FRMPD1: variants seen among roughly 807,000 people sequenced by gnomAD.
FRMPD1 encodes FERM and PDZ domain containing 1, also known as FERM and PDZ domain-containing protein 1.
FRMPD1 carries 76 observed loss-of-function variants against 117.8 expected under a neutral mutation model. The observed-to-expected ratio is 0.65, with a 90% confidence interval of 0.54 to 0.78. The LOEUF (loss-of-function observed/expected upper bound fraction) is 0.78, where lower values mean the gene tolerates loss of function less well. FRMPD1 is among the 30% of genes least tolerant of loss of function. FRMPD1 has a pLI of 0.00. For missense variants in FRMPD1, 1,786 were observed against 1,964.5 expected, an observed-to-expected ratio of 0.91 and a Z score of 1.72; for synonymous variants, 783 against 770.4, an observed-to-expected ratio of 1.02 and a Z score of -0.27.
At chr9:37,661,123 A>G (rs981662998) in intron 1 of FRMPD1, among the ~76,000 whole-genome samples, 2 of 152,202 alleles carry the variant, frequency 1.3e-5, no homozygotes, top group African/African-American at 4.8e-5. Flanking sequence ...GGTGGACCTA[A>G]TGTCCAGCCC....
chr9:37,733,108 TTCACAGGAGC>T (rs1160113856), intron 10 of FRMPD1, among the ~76,000 whole-genome samples: 1 of 152,194 alleles, frequency 6.6e-6, no homozygotes, highest in South Asian at 2.1e-4. Flanking sequence ...GCCTAGGGGA[TTCACAGGAGC>T]TCTGCGTTGC....
the FRMPD1 span, among the ~76,000 whole-genome samples, chr9:37,645,113 AAG>A: frequency 6.8e-6 from 1 of 147,910 alleles, no homozygotes; most frequent in African/African-American, 2.6e-5. Flanking sequence ...AAAAAAAAAA[AAG>A]AGAGAGAGAG....
intron 1 of FRMPD1, among the ~76,000 whole-genome samples, chr9:37,681,569 G>A (rs923571177): frequency 1.3e-5 from 2 of 152,214 alleles, no homozygotes; most frequent in Admixed American, 1.3e-4. Flanking sequence ...TATGATCACG[G>A]TAATGAACCA....
intron 1 of FRMPD1, among the ~76,000 whole-genome samples, chr9:37,674,945 T>C (rs1212860144): frequency 6.6e-6 from 1 of 152,142 alleles, no homozygotes; most frequent in Admixed American, 6.5e-5. Flanking sequence ...GGCTTTAGAA[T>C]TCACACCATG....
chr9:37,719,583 C>T (rs1388743916), intron 6 of FRMPD1, among the ~76,000 whole-genome samples: 2 of 152,142 alleles, frequency 1.3e-5, no homozygotes, highest in Admixed American at 6.5e-5. Flanking sequence ...TCTATTGAAC[C>T]TCTATTATGT....
intron 5 of FRMPD1, among the ~76,000 whole-genome samples, chr9:37,712,475 C>G (rs905534066): frequency 7.2e-5 from 11 of 152,238 alleles, no homozygotes; most frequent in African/African-American, 2.2e-4. Flanking sequence ...CCTGCCTCAA[C>G]TTCCCAAGTA....
In FRMPD1 at chr9:37,719,096, G is replaced by A. The variant is rs369706572; in HGVS notation, c.436G>A (p.Glu146Lys). 25 of 1,612,892 alleles carry A rather than the reference G, an allele frequency of 1.6e-5. No individual in the cohort carries two copies. Among genetic ancestry groups the A allele is most frequent in the African/African-American group, 6.7e-5 (5 of 75,030 alleles). ...SGVPKSSFLT[E>K]EKRARLKTNP... ...AGTCCCTAAATCGTCCTTCCTGACC[G>A]AGGAGAAGAGAGCCAGACTGAAGAC... The change falls in exon 6 of 16, where the codon GAG becomes AAG. Residue 146 changes from glutamate to lysine, a missense_variant. Glu to Lys is a moderately conservative substitution (Grantham distance 56). Coordinates refer to ENST00000377765, the MANE Select transcript of FRMPD1 (RefSeq NM_014907.3).
upstream of FRMPD1, among the ~76,000 whole-genome samples, chr9:37,649,060 T>A (rs78649563): frequency 1.6e-4 from 25 of 152,120 alleles, no homozygotes; most frequent in Non-Finnish European, 2.5e-4. Context: ...CTAGAGAGGC[T>A]GACACTGACG....
intron 2 of FRMPD1, among the ~76,000 whole-genome samples, chr9:37,705,892 G>A (rs746439924): frequency 2.6e-5 from 4 of 151,688 alleles, no homozygotes; most frequent in Non-Finnish European, 5.9e-5. Flanking sequence ...CATGAGAACC[G>A]CTTGAACCAG....
chr9:37,626,622 G>GA, the FRMPD1 span, among the ~76,000 whole-genome samples: 386 of 48,628 alleles, frequency 7.9e-3, 34 homozygotes, highest in African/African-American at 0.031. Flanking sequence ...CCTGGTATCT[G>GA]AAAAAAAAAA....
chr9:37,611,711 C>A, the FRMPD1 span, among the ~76,000 whole-genome samples: 23 of 152,078 alleles, frequency 1.5e-4, no homozygotes, highest in Admixed American at 1.5e-3. Context: ...AATAGTAAAC[C>A]TGTATGCATA....
the FRMPD1 span, among the ~76,000 whole-genome samples, chr9:37,615,251 C>G: frequency 6.6e-6 from 1 of 151,938 alleles, no homozygotes; most frequent in African/African-American, 2.4e-5. Flanking sequence ...TAGCTGGGAC[C>G]ACAGGCATAC....
At chr9:37,611,779 T>C in the FRMPD1 span, among the ~76,000 whole-genome samples, 1 of 152,210 alleles carries the variant, frequency 6.6e-6, no homozygotes, top group Non-Finnish European at 1.5e-5. Context: ...CATACCTTAG[T>C]GCACAGAGCT....
rs1327324182 is a variant in FRMPD1, at chr9:37,740,504, T to C, written c.1976T>C (p.Leu659Pro). 1.2e-6 allele frequency: 2 copies of C among 1,614,158 alleles called. No homozygotes were observed. Among genetic ancestry groups the C allele is most frequent in the East Asian group, 2.2e-5 (1 of 44,882 alleles). ...GAAACCAGTGGCTTCCTCTGTCTCC[T>C]GGACCTGGCCCAGAGAGCCAACCCC... ...GIETSGFLCLLDLAQRANPQC... is the reference protein window; with the variant it reads ...GIETSGFLCLPDLAQRANPQC... Residue 659 changes from leucine to proline, a missense_variant, in exon 15 of 16, where the codon CTG becomes CCG. By Grantham distance (98) the Leu-to-Pro change is moderately conservative. Transcript: ENST00000377765. The surrounding 1 kb of genome is among the most constrained non-coding windows in gnomAD (Gnocchi z 4.2).
chr9:37,706,118 G>C (rs1822697116), intron 2 of FRMPD1, among the ~76,000 whole-genome samples: 1 of 152,094 alleles, frequency 6.6e-6, no homozygotes, highest in African/African-American at 2.4e-5. Context: ...TTACCTGCAT[G>C]CTGGCCTAGA....
chr9:37,726,696 C>T (rs544830355), intron 7 of FRMPD1, among the ~76,000 whole-genome samples: 97 of 151,698 alleles, frequency 6.4e-4, no homozygotes, highest in Non-Finnish European at 1.2e-3. Context: ...GAAACTCCAT[C>T]TCAAAAAAAT....
chr9:37,675,608 G>C (rs1821502343), intron 1 of FRMPD1, among the ~76,000 whole-genome samples: 1 of 152,132 alleles, frequency 6.6e-6, no homozygotes, highest in South Asian at 2.1e-4. Context: ...GAAGTGGGGA[G>C]AGTAGGGTGT....
chr9:37,708,537 CA>C, intron 4 of FRMPD1, 36 bp downstream of exon 4: 1 of 1,204,464 alleles, frequency 8.3e-7, no homozygotes, highest in South Asian at 1.2e-5. Context: ...CAGAATTGCA[CA>C]GATTATCAAA....
intron 1 of FRMPD1, among the ~76,000 whole-genome samples, chr9:37,690,973 T>C (rs934499232): frequency 6.6e-6 from 1 of 152,198 alleles, no homozygotes; most frequent in African/African-American, 2.4e-5. Context: ...GGACACAGCC[T>C]GCATGACCTA....
Sources: allele counts gnomAD v4.1 joint callset (sites outside exome capture counted in the v4.1 genomes callset), GRCh38; gene constraint gnomAD v4.1.1; non-coding constraint Gnocchi (gnomAD v3.1); transcripts MANE v1.5; gene names NCBI Gene and HGNC (gene_info 2026-07-23, HGNC 2026-07-21).